The following BAK1 variants were observed in gnomAD, a reference collection of about 807,000 sequenced individuals.
BAK1 encodes BCL2 antagonist/killer 1.
Under a neutral mutation model 24.7 loss-of-function variants are expected in BAK1, and 19 were observed. The ratio of observed to expected loss-of-function variants is 0.77; its 90% CI spans 0.54 to 1.13. The LOEUF (loss-of-function observed/expected upper bound fraction) is 1.13. Among genes scored for constraint, BAK1 ranks in the 50% most tolerant of loss-of-function variants. The pLI, the probability that BAK1 is intolerant of heterozygous loss-of-function variation, is 0.00. For missense variants in BAK1, 194 were observed against 279.4 expected (o/e 0.69, Z 2.18); for synonymous variants, 86 against 107.3 (o/e 0.80, Z 1.23).
In BAK1 at chr6:33,575,912, C is replaced by G. The variant is rs1367979509; in HGVS notation, c.87G>C (p.Gln29His). ...AGCTGCGGAAAACCTCCTCTGTGTC[C>G]TGGGCTACCTGCTCCTCTGAGGATC... Reference protein sequence around the residue: ...LPSASEEQVAQDTEEVFRSYV... With the variant: ...LPSASEEQVAHDTEEVFRSYV... Residue 29 changes from glutamine to histidine, a missense_variant, in exon 3 of 6, where the codon CAG (glutamine) becomes CAC (histidine). Coordinates refer to ENST00000374467, the MANE Select transcript of BAK1 (RefSeq NM_001188.4). This position sits in a 1 kb window ranked among gnomAD's most constrained non-coding sequence, Gnocchi z 6.3. 2 of 1,614,000 alleles carry G rather than the reference C, an allele frequency of 1.2e-6. No homozygotes were observed. Among genetic ancestry groups the G allele is most frequent in the Non-Finnish European group, 1.7e-6 (2 of 1,180,020 alleles).
chr6:33,575,183 GGACAC>G lies in BAK1; in HGVS notation c.350+110_350+114del. On this transcript the variant is annotated intron_variant, in intron 4 of 5. Transcript: ENST00000374467. The surrounding 1 kb of genome is among the most constrained non-coding windows in gnomAD (Gnocchi z 6.3). The stretch of plus-strand genomic sequence containing the variant: ...CACATGTGAGTTCACAGCAGACATT[GGACAC>G]TGACAGAAGGCTTCTCCCCATGCCA... The G allele has an allele frequency of 6.7e-7, 1 of 1,487,682 alleles. No individual in the cohort carries two copies. The highest frequency in any genetic ancestry group is 9.4e-7 in the Non-Finnish European group (1 of 1,068,744). The allele number at this position is 1,487,682 out of a possible 1,614,324, so 92.2% of individuals were successfully genotyped here.
chr6:33,574,211 C>T lies in BAK1; in HGVS notation c.354G>A (p.Leu118=). 6.2e-7 allele frequency: 1 copy of T among 1,613,676 alleles called. No individual in the cohort carries two copies. Among genetic ancestry groups the T allele is most frequent in the Non-Finnish European group, 8.5e-7 (1 of 1,179,708 alleles). ...GGCCCCAATTGATGCCACTCTCAAA[C>T]AGGCTGTGGGCAGAGCATCCCATAG... ...YEYFTKIATS[L]FESGINWGRV... is the part of the protein sequence containing the mutation. Residue 118 remains leucine, a synonymous_variant, in exon 5 of 6, where the codon CTG becomes CTA. Coordinates refer to ENST00000374467, the MANE Select transcript of BAK1 (RefSeq NM_001188.4).
At chr6:33,573,936 G>A (rs1762801552) in intron 5 of BAK1, 29 bp from the exon 6 acceptor site, 3 of 1,613,986 alleles carry the variant, frequency 1.9e-6, no homozygotes, top group Non-Finnish European at 2.5e-6. Flanking sequence ...TGGTCACAGA[G>A]AGGCTAGCAG....
At chr6:33,574,529 G>A (rs1311457439) in intron 4 of BAK1, 3 of 1,415,470 alleles carry the variant, frequency 2.1e-6, no homozygotes, top group East Asian at 3.4e-5. Context: ...TGCTGGCCTG[G>A]CAGCCCGAGG....
chr6:33,576,192 G>A (rs1762841769), intron 2 of BAK1, among the ~76,000 whole-genome samples: 1 of 152,130 alleles, frequency 6.6e-6, no homozygotes, highest in Non-Finnish European at 1.5e-5. Flanking sequence ...GCCGGGTGTG[G>A]TGGCACATGC....
intron 2 of BAK1, among the ~76,000 whole-genome samples, chr6:33,576,781 G>A (rs906839951): frequency 1.3e-5 from 2 of 152,154 alleles, no homozygotes; most frequent in African/African-American, 4.8e-5. Flanking sequence ...CCTCACAGTA[G>A]CCCTGGGAGC....
intron 2 of BAK1, among the ~76,000 whole-genome samples, chr6:33,576,676 A>C (rs1341327206): frequency 2.0e-5 from 3 of 151,776 alleles, no homozygotes; most frequent in African/African-American, 7.3e-5. Flanking sequence ...AAAAAACAAA[A>C]AAAAAAAAAA....
intron 4 of BAK1, 191 bp from the exon 5 acceptor site, chr6:33,574,405 C>A (rs1762809690): frequency 1.4e-6 from 2 of 1,474,298 alleles, no homozygotes; most frequent in Admixed American, 2.0e-5. Context: ...AGCTCAGGGG[C>A]AGATGAGCTG....
rs190767037 is a variant in BAK1 at position 33,573,731 on chromosome 6, C to G, written c.*72G>C. ...TTGAGGGGGGACCCCTGCAAGGGAA[C>G]AGAGAAGGCAAAGACTTCGCTTAAG... On this transcript the variant is annotated 3_prime_UTR_variant, in exon 6 of 6. Transcript: ENST00000374467. 506 of 1,177,242 alleles carry G rather than the reference C, an allele frequency of 4.3e-4. 4 individuals carry two copies. The Admixed American group carries it at 9.4e-3, about 22-fold the overall frequency. 72.9% of individuals were successfully genotyped at this position (1,177,242 alleles called of 1,614,324 possible).
chr6:33,579,325 A>C (rs1197527090), intron 1 of BAK1, among the ~76,000 whole-genome samples: 2 of 152,132 alleles, frequency 1.3e-5, no homozygotes, highest in African/African-American at 2.4e-5. Flanking sequence ...CAGCCTGGGC[A>C]ACAGAGCGAG....
chr6:33,573,800 G>A lies in BAK1; in HGVS notation c.*3C>T. 6.2e-7 allele frequency: 1 copy of A among 1,612,954 alleles called. No individual in the cohort carries two copies. The highest frequency in any genetic ancestry group is 8.5e-7 in the Non-Finnish European group (1 of 1,178,878). On this transcript the variant is annotated 3_prime_UTR_variant, in exon 6 of 6. Transcript: ENST00000374467. ...CCGGGACCCCAAAGGGCACCCTTGG[G>A]AGTCATGATTTGAAGAATCTTCGTA...
chr6:33,574,314 C>T (rs1480310489), intron 4 of BAK1, 100 bp from the exon 5 acceptor site: 26 of 1,494,636 alleles, frequency 1.7e-5, no homozygotes, highest in Non-Finnish European at 2.3e-5. Flanking sequence ...AGCTAAATAG[C>T]TTAGCTGTGA....
At chr6:33,576,286 G>A (rs1222659011) in intron 2 of BAK1, among the ~76,000 whole-genome samples, 17 of 145,570 alleles carry the variant, frequency 1.2e-4, no homozygotes, top group Admixed American at 9.8e-4. Context: ...AGCGGAGATC[G>A]TGCCACTGCA....
Position 33,575,796 on chromosome 6 carries a change from C to T in BAK1, c.203G>A (p.Ser68Asn), listed in dbSNP as rs371989238. The change falls in exon 3 of 6, where the codon AGC becomes AAC. Residue 68 changes from serine to asparagine, a missense_variant. Transcript: ENST00000374467. This position sits in a 1 kb window ranked among gnomAD's most constrained non-coding sequence, Gnocchi z 6.3. ...PEMVTLPLQP[S>N]STMGQVGRQL... Reference sequence around the variant, plus strand: ...GGGCCCAGCGGTTGTAGCTCACCTGCTAGGTTGCAGAGGTAAGGTGACCAT... The same window carrying T: ...GGGCCCAGCGGTTGTAGCTCACCTGTTAGGTTGCAGAGGTAAGGTGACCAT... The T allele has an allele frequency of 6.2e-7, 1 of 1,612,534 alleles. No individual in the cohort carries two copies. The highest frequency in any genetic ancestry group is 1.3e-5 in the African/African-American group (1 of 74,880).
intron 1 of BAK1, among the ~76,000 whole-genome samples, chr6:33,579,533 G>A (rs1282285575): frequency 6.6e-6 from 1 of 152,076 alleles, no homozygotes; most frequent in East Asian, 1.9e-4. Context: ...TAGAGCCTCA[G>A]AACACCCACC....
chr6:33,574,231 C>G lies in BAK1; in HGVS notation c.351-17G>C. The G allele has an allele frequency of 6.2e-7, 1 of 1,608,060 alleles. No homozygotes were observed. The highest frequency in any genetic ancestry group is 8.5e-7 in the Non-Finnish European group (1 of 1,175,370). On this transcript the variant is annotated splice_polypyrimidine_tract_variant and intron_variant, in intron 4 of 5. Transcript: ENST00000374467. The stretch of plus-strand genomic sequence containing the variant: ...TCAAACAGGCTGTGGGCAGAGCATC[C>G]CATAGCATTGGTGGAGAGCCCCCAG...
rs539913308 is a variant in BAK1 at position 33,575,699 on chromosome 6, C to T, written c.206+94G>A. 1.9e-4 allele frequency: 295 copies of T among 1,534,266 alleles called. 2 individuals carry two copies. The South Asian group carries it at 2.2e-3, about 11-fold the overall frequency. ...AACCATGAGAGAAGGGCAAGACCCCCGAGGCCTCCCCAGCTCCCAGGACCT... is the reference window on the plus strand; with the variant it reads ...AACCATGAGAGAAGGGCAAGACCCCTGAGGCCTCCCCAGCTCCCAGGACCT... On this transcript the variant is annotated intron_variant, in intron 3 of 5. Coordinates refer to ENST00000374467, the MANE Select transcript of BAK1 (RefSeq NM_001188.4). This position sits in a 1 kb window ranked among gnomAD's most constrained non-coding sequence, Gnocchi z 6.3.
Position 33,575,999 on chromosome 6 carries a change from A to G in BAK1, c.71-71T>C. ...CAGCCCCATGCCTTATAGGGGATTCACTCTTCCTAAGGCCATAGCTGTCCT... is the reference window on the plus strand; with the variant it reads ...CAGCCCCATGCCTTATAGGGGATTCGCTCTTCCTAAGGCCATAGCTGTCCT... On this transcript the variant is annotated intron_variant, in intron 2 of 5. Coordinates refer to ENST00000374467, the MANE Select transcript of BAK1 (RefSeq NM_001188.4). The surrounding 1 kb of genome is among the most constrained non-coding windows in gnomAD (Gnocchi z 6.3). The G allele has an allele frequency of 6.3e-7, 1 of 1,596,488 alleles. No homozygotes were observed. The highest frequency in any genetic ancestry group is 8.5e-7 in the Non-Finnish European group (1 of 1,170,262).
rs1219580724 is a variant in BAK1 at position 33,577,840 on chromosome 6, G to A, written c.-31-205C>T. On this transcript the variant is annotated intron_variant, in intron 1 of 5. Coordinates refer to ENST00000374467, the MANE Select transcript of BAK1 (RefSeq NM_001188.4). The surrounding 1 kb of genome is among the most constrained non-coding windows in gnomAD (Gnocchi z 4.6). ...GCCATCCACAGTGCTGGGATTACAG[G>A]TGTGAGCCACCGTGCCTGGCCTCCT... 6.6e-6 allele frequency among the ~76,000 whole-genome samples: 1 copy of A among 152,182 alleles called. No individual in the cohort carries two copies. Among genetic ancestry groups the A allele is most frequent in the East Asian group, 1.9e-4 (1 of 5,184 alleles).
Sources: gnomAD v4.1 joint callset for allele counts (sites outside exome capture counted in the v4.1 genomes callset) on GRCh38, gnomAD v4.1.1 for gene constraint, Gnocchi (gnomAD v3.1) non-coding constraint, MANE v1.5 for transcripts, NCBI Gene and HGNC (gene_info 2026-07-23, HGNC 2026-07-21) for gene names.